Variants in PFKL observed in about 807,000 individuals in gnomAD.
PFKL encodes the protein ATP-dependent 6-phosphofructokinase, liver type.
PFKL carries 74 observed loss-of-function variants against 92.1 expected under a neutral mutation model. The observed-to-expected ratio is 0.80, with a 90% CI of 0.67 to 0.97. The LOEUF (loss-of-function observed/expected upper bound fraction) is 0.97, where lower values mean the gene tolerates loss of function less well. Ranked by LOEUF, PFKL falls within the 50% of genes least tolerant of loss-of-function variation. The pLI, the probability that PFKL is intolerant of heterozygous loss-of-function variation, is 0.00. For synonymous variants in PFKL, 494 were observed against 456.4 expected (o/e 1.08, Z -1.05); for missense variants, 1,028 against 1,116.6 (o/e 0.92, Z 1.13).
At chr21:44,325,896 C>G in intron 19 of PFKL, 65 bp from the exon 20 acceptor site, 2 of 1,224,886 alleles carry the variant, frequency 1.6e-6, no homozygotes, top group Non-Finnish European at 2.4e-6. Flanking sequence ...CCTGTCTGCA[C>G]TGGCGTTGGC....
intron 12 of PFKL, chr21:44,320,384 G>T (rs765440257): frequency 1.3e-5 from 6 of 476,160 alleles, no homozygotes; most frequent in Non-Finnish European, 2.3e-5. Context: ...AGTGGTGGAT[G>T]GAAATGAAGT....
At position 44,307,223 on chromosome 21, in the gene PFKL, C is replaced by T. The variant is rs2040976573; in HGVS notation, c.159+469C>T. On this transcript the variant is annotated intron_variant, in intron 2 of 21. Transcript: ENST00000349048. ...AGACCCGGGGGGCAGCCGCTGGCAG[C>T]AGCTCTGCTGTGTCTATGTTCATTG... is the stretch of plus-strand genomic sequence containing the variant. 3.1e-6 allele frequency: 3 copies of T among 968,904 alleles called. No individual in the cohort carries two copies. The Admixed American group carries it at 1.8e-4, about 60-fold the overall frequency. 60.0% of individuals were successfully genotyped at this position (968,904 alleles called of 1,614,324 possible).
chr21:44,304,858 G>T (rs998561729), intron 1 of PFKL, among the ~76,000 whole-genome samples: 3 of 152,108 alleles, frequency 2.0e-5, no homozygotes, highest in African/African-American at 7.2e-5. Flanking sequence ...TTCAGCTGTA[G>T]CAGCCGTGCT....
intron 7 of PFKL, 152 bp from the exon 8 acceptor site, chr21:44,316,092 C>T (rs1338391932): frequency 8.7e-6 from 6 of 693,588 alleles, no homozygotes; most frequent in East Asian, 2.7e-5. Context: ...CCTCGCGCTC[C>T]AGGCCTGCTT....
intron 1 of PFKL, among the ~76,000 whole-genome samples, chr21:44,301,077 CAGAAAATGGTTG>C (rs1352692127): frequency 6.6e-6 from 1 of 152,220 alleles, no homozygotes; most frequent in Non-Finnish European, 1.5e-5. Context: ...TTTTAGAGTT[CAGAAAATGGTTG>C]AGAAAATGCG....
chr21:44,305,452 TGG>T, intron 1 of PFKL: 1 of 595,720 alleles, frequency 1.7e-6, no homozygotes. Context: ...TACAGGGGGG[TGG>T]GAGGGCAGGG....
chr21:44,304,143 A>G, intron 1 of PFKL: 1 of 1,221,290 alleles, frequency 8.2e-7, no homozygotes. Context: ...CTCAGCACAA[A>G]GCTGGGTTTT....
chr21:44,317,271 C>A (rs1161442946), intron 9 of PFKL, among the ~76,000 whole-genome samples: 1 of 152,178 alleles, frequency 6.6e-6, no homozygotes, highest in Non-Finnish European at 1.5e-5. Context: ...GTGACTGCGC[C>A]CAGCCCTGTG....
chr21:44,303,148 C>T (rs1246875271), intron 1 of PFKL, among the ~76,000 whole-genome samples: 2 of 151,938 alleles, frequency 1.3e-5, no homozygotes, highest in East Asian at 1.9e-4. Flanking sequence ...GCAGGAGAAT[C>T]GCTTGAACCA....
intron 1 of PFKL, chr21:44,305,864 G>A (rs756836731): frequency 1.6e-5 from 22 of 1,366,028 alleles, no homozygotes; most frequent in South Asian, 9.1e-5. Flanking sequence ...CCTGGGAGCC[G>A]AGGGCAAGGG....
At chr21:44,301,036 C>T (rs1404962675) in intron 1 of PFKL, among the ~76,000 whole-genome samples, 4 of 152,184 alleles carry the variant, frequency 2.6e-5, no homozygotes, top group Non-Finnish European at 5.9e-5. Flanking sequence ...CAGCCAGCAC[C>T]CCAAGGCTGT....
At chr21:44,311,333 T>TGCACACACACAGACACACAGAC (rs57327402) in intron 3 of PFKL, among the ~76,000 whole-genome samples, 1,931 of 144,232 alleles carry the variant, frequency 0.013, 44 homozygotes, top group African/African-American at 0.048. Context: ...CACACAGACA[T>TGCACACACACAGACACACAGAC]GCACACATAC....
chr21:44,312,940 G>A, intron 4 of PFKL, 38 bp from the exon 5 acceptor site: 2 of 1,606,542 alleles, frequency 1.2e-6, no homozygotes, highest in African/African-American at 1.3e-5. Context: ...TGGGGCCAGT[G>A]GAGCCTCAGC....
In PFKL at chr21:44,327,005, C is replaced by A; in HGVS notation, c.*143C>A. ...GCTCAGCCCATCCCCTGCCTCTATC[C>A]CTGGCCACCTGCCAGGCCTCCCTCG... On this transcript the variant is annotated 3_prime_UTR_variant, in exon 22 of 22. Coordinates refer to ENST00000349048, the MANE Select transcript of PFKL (RefSeq NM_002626.6). The A allele has an allele frequency of 2.7e-6, 2 of 727,914 alleles. No individual in the cohort carries two copies. Among genetic ancestry groups the A allele is most frequent in the South Asian group, 3.6e-5 (2 of 55,696 alleles). The allele number at this position is 727,914 out of a possible 1,614,324, so 45.1% of individuals were successfully genotyped here.
At chr21:44,322,699 G>A (rs1452562301) in intron 14 of PFKL, among the ~76,000 whole-genome samples, 1 of 152,210 alleles carries the variant, frequency 6.6e-6, no homozygotes. Context: ...GGGCAGGAAG[G>A]GGTTCCCACG....
rs371323387 is a variant in PFKL at position 44,325,380 on chromosome 21, C to T, written c.1989+116C>T. ...CCCACGGGCACTCCCGGCAGGCCCT[C>T]GGGCACGTGTGCCCTTCCCCAGTGA... On this transcript the variant is annotated intron_variant, in intron 19 of 21. Transcript: ENST00000349048. 1.8e-3 allele frequency: 1,222 copies of T among 695,418 alleles called. 5 individuals are homozygous for T. The highest frequency in any genetic ancestry group is 0.014 in the African/African-American group (778 of 56,570). The allele number at this position is 695,418 out of a possible 1,614,324, so 43.1% of individuals were successfully genotyped here. A position where few individuals can be genotyped will look rare whatever the true frequency, so the allele number is the denominator to read the frequency against.
Position 44,313,608 on chromosome 21 carries a change from C to G in PFKL, c.594-30C>G, listed in dbSNP as rs538652317. The G allele has an allele frequency of 8.7e-5, 139 of 1,604,304 alleles. 2 individuals carry two copies. In the Admixed American group the frequency reaches 2.3e-3, roughly 27 times the overall value. On this transcript the variant is annotated intron_variant, in intron 5 of 21. Coordinates refer to ENST00000349048, the MANE Select transcript of PFKL (RefSeq NM_002626.6). ...GGCTGGCAGGGCCGTGTGGCTGGCA[C>G]TGATGCATCCTCCTGTTCCATCTCC... is the stretch of plus-strand genomic sequence containing the variant.
chr21:44,327,120 G>A lies in PFKL; in HGVS notation c.*258G>A, dbSNP rs904064499. ...CACCTTCCTGCCCAGGGGACGTGGC[G>A]CTGTCGGTGTTTGGAGGCTGCTGCC... On this transcript the variant is annotated 3_prime_UTR_variant, in exon 22 of 22. Coordinates refer to ENST00000349048, the MANE Select transcript of PFKL (RefSeq NM_002626.6). 12 of 535,402 alleles carry A rather than the reference G, an allele frequency of 2.2e-5. No homozygotes were observed. Among genetic ancestry groups the A allele is most frequent in the South Asian group, 8.8e-5 (4 of 45,336 alleles). 33.2% of individuals were successfully genotyped at this position (535,402 alleles called of 1,614,324 possible).
Position 44,300,184 on chromosome 21 carries a change from G to A in PFKL, c.79G>A (p.Ala27Thr), listed in dbSNP as rs1301115538. 31 of 1,138,668 alleles carry A rather than the reference G, an allele frequency of 2.7e-5. No individual in the cohort carries two copies. The highest frequency in any genetic ancestry group is 3.4e-5 in the Non-Finnish European group (31 of 921,868). The allele number at this position is 1,138,668 out of a possible 1,614,324, so 70.5% of individuals were successfully genotyped here. Residue 27 changes from alanine (A) to threonine (T), a missense_variant, in exon 1 of 22, where the codon GCG (alanine) becomes ACG (threonine). Ala to Thr is a moderately conservative substitution (Grantham distance 58, BLOSUM62 0). Coordinates refer to ENST00000349048, the MANE Select transcript of PFKL (RefSeq NM_002626.6). ...CGGCGTCCTGACCAGCGGCGGCGACGCGCAAGGTGGGCGGGGGTCCCGGCC... is the reference window on the plus strand; with the variant it reads ...CGGCGTCCTGACCAGCGGCGGCGACACGCAAGGTGGGCGGGGGTCCCGGCC... Reference protein sequence around the residue: ...AIGVLTSGGDAQGMNAAVRAV... With the variant: ...AIGVLTSGGDTQGMNAAVRAV...
Sources: gnomAD v4.1 joint callset for allele counts (sites outside exome capture counted in the v4.1 genomes callset) on GRCh38, gnomAD v4.1.1 for gene constraint, MANE v1.5 for transcripts, NCBI Gene and HGNC (gene_info 2026-07-23, HGNC 2026-07-21) for gene names.